The following PTCHD4 variants were observed in gnomAD, a reference collection of about 807,000 sequenced individuals.
PTCHD4 encodes patched domain containing 4.
In PTCHD4, 33 loss-of-function variants were observed where a neutral mutation model predicts 58.1. That is an observed-to-expected ratio of 0.57 (90% CI 0.43 to 0.76). The LOEUF (loss-of-function observed/expected upper bound fraction) is 0.76, where lower values mean the gene tolerates loss of function less well. Ranked by LOEUF, PTCHD4 falls within the 30% of genes least tolerant of loss-of-function variation. The pLI, the probability that PTCHD4 is intolerant of heterozygous loss-of-function variation, is 0.00. For missense variants in PTCHD4, 1,058 were observed against 1,027.1 expected (o/e 1.03, Z -0.41); for synonymous variants, 478 against 409.6 (o/e 1.17, Z -2.02).
At chr6:47,966,179 C>T (rs1767284226) in intron 4 of PTCHD4, among the ~76,000 whole-genome samples, 1 of 152,116 alleles carries the variant, frequency 6.6e-6, no homozygotes, top group African/African-American at 2.4e-5. Flanking sequence ...TACAGGCATA[C>T]TTTGATTATA....
chr6:48,062,780 A>G (rs1258121016), intron 3 of PTCHD4, among the ~76,000 whole-genome samples: 1 of 152,190 alleles, frequency 6.6e-6, no homozygotes, highest in Non-Finnish European at 1.5e-5. Flanking sequence ...CAGAAGAAAA[A>G]CATACTAGAA....
chr6:47,993,593 A>G (rs1341395041), intron 4 of PTCHD4, among the ~76,000 whole-genome samples: 1 of 152,220 alleles, frequency 6.6e-6, no homozygotes, highest in African/African-American at 2.4e-5. Context: ...ATTCAAAGTC[A>G]GGTGGACAAT....
At position 47,867,853 on chromosome 6, in the gene PTCHD4, T is replaced by C. The variant is rs1287281885; in HGVS notation, c.*10450A>G. On this transcript the variant is annotated 3_prime_UTR_variant, in exon 5 of 5. Transcript: ENST00000339488. ...TGAATAGTTTAGTGGTATTTTCTTC[T>C]GAGCCTAGCACAGAGACCAATATAG... 1.3e-5 allele frequency among the ~76,000 whole-genome samples: 2 copies of C among 151,770 alleles called. No individual in the cohort carries two copies. The highest frequency in any genetic ancestry group is 1.9e-4 in the East Asian group (1 of 5,156).
chr6:47,945,596 T>C lies in PTCHD4; in HGVS notation c.898+63038A>G, dbSNP rs151052826. ...ATTCTGCGTGTTATTTTCTAAGAAC[T>C]GATTTTCTTTTGTGCAAAAGATATT... is the stretch of plus-strand genomic sequence containing the variant. On this transcript the variant is annotated intron_variant, in intron 4 of 4. Transcript: ENST00000339488. Among the ~76,000 whole-genome samples the C allele has an allele frequency of 6.6e-5, 10 of 152,198 alleles. 1 individual carries two copies. The highest frequency in any genetic ancestry group is 2.2e-4 in the African/African-American group (9 of 41,574).
chr6:47,864,497 T>G lies in PTCHD4; in HGVS notation c.*13806A>C, dbSNP rs141732619. 5.8e-3 allele frequency among the ~76,000 whole-genome samples: 875 copies of G among 151,980 alleles called. 8 individuals are homozygous for G. Among genetic ancestry groups the G allele is most frequent in the South Asian group, 0.019 (94 of 4,828 alleles). On this transcript the variant is annotated 3_prime_UTR_variant, in exon 5 of 5. Transcript: ENST00000339488. Reference sequence around the variant, plus strand: ...TTTGGAGAATAAAGGGGTTAATAGATAATTACATTTTTTTTGAGTAAGCTA... The same window carrying G: ...TTTGGAGAATAAAGGGGTTAATAGAGAATTACATTTTTTTTGAGTAAGCTA...
intron 3 of PTCHD4, among the ~76,000 whole-genome samples, chr6:48,040,084 T>C (rs1763790489): frequency 1.3e-5 from 2 of 152,066 alleles, no homozygotes; most frequent in African/African-American, 4.8e-5. Context: ...ATGGGCAACC[T>C]TTAAGGTCAT....
intron 3 of PTCHD4, among the ~76,000 whole-genome samples, chr6:48,039,211 A>G (rs751300078): frequency 1.3e-5 from 2 of 152,170 alleles, no homozygotes; most frequent in Non-Finnish European, 2.9e-5. Context: ...GCTATAACAT[A>G]AAAGGAAAGG....
At chr6:47,951,655 A>G (rs2113947915) in intron 4 of PTCHD4, among the ~76,000 whole-genome samples, 1 of 152,282 alleles carries the variant, frequency 6.6e-6, no homozygotes, top group African/African-American at 2.4e-5. Flanking sequence ...TGGTTCCTAA[A>G]TAACCCTTCC....
At chr6:47,936,435 T>G (rs560990280) in intron 4 of PTCHD4, among the ~76,000 whole-genome samples, 1 of 152,330 alleles carries the variant, frequency 6.6e-6, no homozygotes, top group Non-Finnish European at 1.5e-5. Flanking sequence ...CAAAAACATT[T>G]CCTCAAACAT....
rs1386892707 is a variant in PTCHD4 at position 47,863,862 on chromosome 6, A to G, written c.*14441T>C. Among the ~76,000 whole-genome samples the G allele has an allele frequency of 6.6e-6, 1 of 151,986 alleles. No homozygotes were observed. Among genetic ancestry groups the G allele is most frequent in the Non-Finnish European group, 1.5e-5 (1 of 67,932 alleles). On this transcript the variant is annotated 3_prime_UTR_variant, in exon 5 of 5. Coordinates refer to ENST00000339488, the MANE Select transcript of PTCHD4 (RefSeq NM_001384253.1). ...TAAGGCCATCCCTTCAAGAGTTTAA[A>G]AAGTCTTCTAGATGAGTTCTACCAA...
chr6:48,075,456 G>A (rs893437901), intron 1 of PTCHD4, among the ~76,000 whole-genome samples: 3 of 75,932 alleles, frequency 4.0e-5, no homozygotes, highest in African/African-American at 1.5e-4. Flanking sequence ...TTTTTTTTTT[G>A]TACTAGTTAG....
chr6:48,059,964 G>C (rs946484768), intron 3 of PTCHD4, among the ~76,000 whole-genome samples: 4 of 152,044 alleles, frequency 2.6e-5, no homozygotes, highest in Non-Finnish European at 5.9e-5. Flanking sequence ...CCCAAAACTT[G>C]GTATTCTATT....
At chr6:47,970,235 A>G (rs1457922739) in intron 4 of PTCHD4, among the ~76,000 whole-genome samples, 2 of 152,332 alleles carry the variant, frequency 1.3e-5, no homozygotes, top group South Asian at 2.1e-4. Context: ...TTGGAGCCCC[A>G]TGAAGATAAT....
intron 3 of PTCHD4, among the ~76,000 whole-genome samples, chr6:48,040,991 T>C (rs984568575): frequency 3.9e-5 from 6 of 152,104 alleles, no homozygotes; most frequent in African/African-American, 1.2e-4. Context: ...ACATTATATA[T>C]ATAATCCATG....
chr6:48,087,513 T>A (rs1765286450), intron 1 of PTCHD4, among the ~76,000 whole-genome samples: 1 of 152,222 alleles, frequency 6.6e-6, no homozygotes, highest in South Asian at 2.1e-4. Flanking sequence ...GGGCCCTTAC[T>A]AAGAGACAGG....
At chr6:47,962,625 G>C (rs115248122) in intron 4 of PTCHD4, among the ~76,000 whole-genome samples, 93 of 152,140 alleles carry the variant, frequency 6.1e-4, no homozygotes, top group African/African-American at 2.2e-3. Flanking sequence ...TTGTGAAGAA[G>C]GTTTGTTGCT....
At chr6:47,978,365 G>A (rs867064982) in intron 4 of PTCHD4, among the ~76,000 whole-genome samples, 10 of 152,144 alleles carry the variant, frequency 6.6e-5, no homozygotes, top group South Asian at 6.2e-4. Context: ...GAGGCGGTAT[G>A]AGTTAGAGGT....
chr6:48,031,265 A>G (rs1763428641), intron 3 of PTCHD4, among the ~76,000 whole-genome samples: 1 of 151,996 alleles, frequency 6.6e-6, no homozygotes, highest in Non-Finnish European at 1.5e-5. Context: ...GAATCCTATC[A>G]TATCAGTTTA....
intron 1 of PTCHD4, among the ~76,000 whole-genome samples, chr6:48,102,603 G>A (rs550193947): frequency 3.3e-5 from 5 of 152,272 alleles, no homozygotes; most frequent in African/African-American, 1.2e-4. Flanking sequence ...GGGGAGTGCC[G>A]GACAGTGGGT....
Sources: gnomAD v4.1 joint callset for allele counts (sites outside exome capture counted in the v4.1 genomes callset) on GRCh38, gnomAD v4.1.1 for gene constraint, MANE v1.5 for transcripts, NCBI Gene and HGNC (gene_info 2026-07-23, HGNC 2026-07-21) for gene names.